The following UQCR11 variants were observed in gnomAD, a reference collection of about 807,000 sequenced individuals.
The protein encoded by UQCR11 is ubiquinol-cytochrome c reductase, complex III subunit XI.
Under a neutral mutation model 7.6 loss-of-function variants are expected in UQCR11, and 10 were observed. That is an observed-to-expected ratio of 1.31 (90% CI 0.81 to 2.22). The LOEUF is 2.22. Ranked by LOEUF, UQCR11 falls within the 30% of genes most tolerant of loss-of-function variation. The pLI, the probability that UQCR11 is intolerant of heterozygous loss-of-function variation, is 0.00. For missense variants in UQCR11, 86 were observed against 75.1 expected (o/e 1.15, Z -0.54); for synonymous variants, 34 against 34.9 (o/e 0.97, Z 0.09).
At chr19:1,602,285 G>A (rs1319993900) in intron 1 of UQCR11, 1 of 152,202 alleles carries the variant, frequency 6.6e-6, no homozygotes, top group Admixed American at 6.5e-5. Context: ...TTGCCCCAAG[G>A]GGCCTCACCA....
chr19:1,602,176 T>C (rs1192011185), intron 1 of UQCR11: 1 of 151,274 alleles, frequency 6.6e-6, no homozygotes, highest in East Asian at 1.9e-4. Flanking sequence ...AAAAAAAAAA[T>C]CCGATTCACC....
Position 1,600,461 on chromosome 19 carries a change from C to T in UQCR11, c.51-901G>A, listed in dbSNP as rs7259343. 5.0e-3 allele frequency among the ~76,000 whole-genome samples: 756 copies of T among 152,252 alleles called. 5 individuals are homozygous for T. The highest frequency in any genetic ancestry group is 0.017 in the African/African-American group (710 of 41,554). On this transcript the variant is annotated intron_variant, in intron 1 of 2. Transcript: ENST00000591899. Reference sequence around the variant, plus strand: ...ATCTCCTGACCTCGTGATCCGCCCGCCTCGGCCTCCCAAAGTGCTGGGATT... The same window carrying T: ...ATCTCCTGACCTCGTGATCCGCCCGTCTCGGCCTCCCAAAGTGCTGGGATT...
At chr19:1,605,254 G>A (rs1031116406) in intron 1 of UQCR11, 106 bp downstream of exon 1, 5 of 1,308,798 alleles carry the variant, frequency 3.8e-6, no homozygotes, top group Admixed American at 6.5e-5. Flanking sequence ...AGGGACCTGG[G>A]CCCGGCCCGG....
chr19:1,605,421 C>G lies in UQCR11; in HGVS notation c.-12G>C. ...AACCGGGTCACCATCGCGGCGGAGT[C>G]GCACCCTCAGGATGACCCTGTCCAG... On this transcript the variant is annotated 5_prime_UTR_variant, in exon 1 of 3. Transcript: ENST00000591899. 1 of 1,547,394 alleles carries G rather than the reference C, an allele frequency of 6.5e-7. No individual in the cohort carries two copies. The highest frequency in any genetic ancestry group is 1.9e-5 in the Admixed American group (1 of 52,068).
At chr19:1,598,758 C>G (rs1288806407) in intron 2 of UQCR11, among the ~76,000 whole-genome samples, 1 of 152,200 alleles carries the variant, frequency 6.6e-6, no homozygotes, top group East Asian at 1.9e-4. Context: ...CGGAAGTGGC[C>G]CAGGACAGCA....
intron 1 of UQCR11, among the ~76,000 whole-genome samples, chr19:1,600,841 G>A (rs1018953313): frequency 4.6e-5 from 7 of 151,962 alleles, no homozygotes; most frequent in Admixed American, 1.3e-4. Flanking sequence ...TTCCAGCCTC[G>A]GTAAATATGA....
chr19:1,603,883 C>T (rs1015985275), intron 1 of UQCR11, among the ~76,000 whole-genome samples: 2 of 152,218 alleles, frequency 1.3e-5, no homozygotes, highest in African/African-American at 4.8e-5. Flanking sequence ...CCCGACCTGT[C>T]CCCCAGTCTG....
chr19:1,599,637 C>A (rs766808874), intron 1 of UQCR11, 77 bp from the exon 2 acceptor site: 4 of 1,564,572 alleles, frequency 2.6e-6, no homozygotes, highest in Non-Finnish European at 2.6e-6. Context: ...CCCGGCCCCC[C>A]GTCCTGAGCG....
rs142040761 is a variant in UQCR11, at chr19:1,605,387, G to A, written c.23C>T (p.Pro8Leu). MVTRFLG[P>L]RYRELVKNWV... ...GTTCTTGACCAGCTCCCGGTAGCGT[G>A]GGCCCAGGAACCGGGTCACCATCGC... is the stretch of plus-strand genomic sequence containing the variant. The change falls in exon 1 of 3, where the codon CCA (proline) becomes CTA (leucine). Residue 8 changes from proline to leucine, a missense_variant. By Grantham distance (98) the Pro-to-Leu change is moderately conservative (BLOSUM62 -3). Transcript: ENST00000591899. 5.7e-6 allele frequency: 9 copies of A among 1,578,420 alleles called. No homozygotes were observed. The African/African-American group carries it at 1.3e-4, about 22-fold the overall frequency.
At chr19:1,600,448 C>T (rs1278068017) in intron 1 of UQCR11, among the ~76,000 whole-genome samples, 1 of 152,016 alleles carries the variant, frequency 6.6e-6, no homozygotes, top group Non-Finnish European at 1.5e-5. Context: ...CTCCTGACCT[C>T]GTGATCCGCC....
At chr19:1,601,341 G>A (rs890563219) in intron 1 of UQCR11, among the ~76,000 whole-genome samples, 2 of 152,140 alleles carry the variant, frequency 1.3e-5, no homozygotes, top group Non-Finnish European at 2.9e-5. Flanking sequence ...GGTGGCTCAC[G>A]CCTGTAATCC....
At chr19:1,603,765 G>A (rs1343674866) in intron 1 of UQCR11, among the ~76,000 whole-genome samples, 2 of 152,180 alleles carry the variant, frequency 1.3e-5, no homozygotes, top group Non-Finnish European at 2.9e-5. Flanking sequence ...TCTCAGCTAG[G>A]AGCAGGCTTC....
At chr19:1,605,099 G>C (rs2060758102) in intron 1 of UQCR11, among the ~76,000 whole-genome samples, 1 of 152,276 alleles carries the variant, frequency 6.6e-6, no homozygotes, top group African/African-American at 2.4e-5. Flanking sequence ...CCCCGGTAGA[G>C]ATGGGGAAAC....
intron 1 of UQCR11, 66 bp from the exon 2 acceptor site, chr19:1,599,626 C>G: frequency 6.3e-7 from 1 of 1,582,350 alleles, no homozygotes; most frequent in Non-Finnish European, 8.5e-7. Context: ...CTCCTGCCCA[C>G]CCCGGCCCCC....
chr19:1,600,618 T>C (rs1227201155), intron 1 of UQCR11, among the ~76,000 whole-genome samples: 1 of 152,152 alleles, frequency 6.6e-6, no homozygotes, highest in Non-Finnish European at 1.5e-5. Context: ...ACAAGGGGAA[T>C]CCCAGCACTT....
At position 1,597,225 on chromosome 19, in the gene UQCR11, A is replaced by T. The variant is rs981903271; in HGVS notation, c.*1019T>A. On this transcript the variant is annotated 3_prime_UTR_variant, in exon 3 of 3. Transcript: ENST00000591899. ...TTCATTTTTTTTCTTTTTATCAGAG[A>T]CAGGGGCCTCTTTGTTGCCCAGGTT... The T allele has an allele frequency of 2.0e-5, 3 of 151,920 alleles. No individual in the cohort carries two copies. The highest frequency in any genetic ancestry group is 2.0e-4 in the Admixed American group (3 of 15,226). The allele number at this position is 151,920 out of a possible 1,614,324, so 9.4% of individuals were successfully genotyped here. A position where few individuals can be genotyped will look rare whatever the true frequency, so the allele number is the denominator to read the frequency against.
intron 1 of UQCR11, among the ~76,000 whole-genome samples, chr19:1,603,083 C>T (rs2060751780): frequency 6.6e-6 from 1 of 152,204 alleles, no homozygotes; most frequent in Non-Finnish European, 1.5e-5. Context: ...ACAGTGCCTC[C>T]TGGGGATGAG....
Position 1,605,441 on chromosome 19 carries a change from G to C in UQCR11, c.-32C>G, listed in dbSNP as rs1476156745. 7.0e-6 allele frequency: 10 copies of C among 1,431,014 alleles called. No homozygotes were observed. Among genetic ancestry groups the C allele is most frequent in the African/African-American group, 4.6e-5 (3 of 65,386 alleles). 88.6% of individuals were successfully genotyped at this position (1,431,014 alleles called of 1,614,324 possible). On this transcript the variant is annotated 5_prime_UTR_variant, in exon 1 of 3. Transcript: ENST00000591899. ...GGAGTCGCACCCTCAGGATGACCCT[G>C]TCCAGCTGACCCGGCTACACTGCGC...
At position 1,601,111 on chromosome 19, in the gene UQCR11, G is replaced by A. The variant is rs375359277; in HGVS notation, c.51-1551C>T. Among the ~76,000 whole-genome samples, 249 of 152,150 alleles carry A rather than the reference G, an allele frequency of 1.6e-3. 2 individuals are homozygous for A. The highest frequency in any genetic ancestry group is 5.7e-3 in the African/African-American group (235 of 41,522). On this transcript the variant is annotated intron_variant, in intron 1 of 2. Transcript: ENST00000591899. ...TTGAACCCAGGAGGTGGAGGTTGCA[G>A]TGAGCCAAGATTGCACCATTGCTCT...
Sources: gnomAD v4.1 joint callset for allele counts (sites outside exome capture counted in the v4.1 genomes callset) on GRCh38, gnomAD v4.1.1 for gene constraint, MANE v1.5 for transcripts, NCBI Gene and HGNC (gene_info 2026-07-23, HGNC 2026-07-21) for gene names.